The following ZSWIM6 variants were observed in gnomAD, a reference collection of about 807,000 sequenced individuals.
ZSWIM6 encodes zinc finger SWIM-type containing 6.
In ZSWIM6, 9 loss-of-function variants were observed where a neutral mutation model predicts 113.2. The ratio of observed to expected loss-of-function variants is 0.08; its 90% CI spans 0.05 to 0.14. The LOEUF is 0.14. ZSWIM6 is among the 10% of genes least tolerant of loss of function. The pLI is 1.00. For missense variants in ZSWIM6, 1,162 were observed against 1,552.2 expected (o/e 0.75, Z 4.22); for synonymous variants, 611 against 606.5 (o/e 1.01, Z -0.11).
intron 1 of ZSWIM6, among the ~76,000 whole-genome samples, chr5:61,337,282 C>G (rs1744421596): frequency 6.8e-6 from 1 of 147,732 alleles, no homozygotes; most frequent in African/African-American, 2.5e-5. Context: ...CCGTCTCCCC[C>G]CCCAAAAAAA....
chr5:61,535,766 G>A, intron 10 of ZSWIM6, 147 bp downstream of exon 10: 2 of 1,078,650 alleles, frequency 1.9e-6, no homozygotes, highest in Admixed American at 5.0e-5. Context: ...TTGTTGTGGA[G>A]GTGATTTGCT....
At position 61,478,705 on chromosome 5, in the gene ZSWIM6, TTGTGTGTG is replaced by T. The variant is rs3067226; in HGVS notation, c.1033+5685_1033+5692del. Among the ~76,000 whole-genome samples, 6 of 147,660 alleles carry T rather than the reference TTGTGTGTG, an allele frequency of 4.1e-5. No individual in the cohort carries two copies. In the East Asian group the frequency reaches 8.0e-4, roughly 20 times the overall value. ...TATGTGTGAGTGTGTGTGTGTGTGTTTGTGTGTGTGTGTGTGTGTGTGTGAATTTGTAT... is the reference window on the plus strand; with the variant it reads ...TATGTGTGAGTGTGTGTGTGTGTGTTTGTGTGTGTGTGTGTGAATTTGTAT... On this transcript the variant is annotated intron_variant, in intron 2 of 13. Transcript: ENST00000252744.
At position 61,541,984 on chromosome 5, in the gene ZSWIM6, A is replaced by G; in HGVS notation, c.2785+19A>G. Reference sequence around the variant, plus strand: ...GAAGTCGGTAGGTAAACTCTGGAACAGAAGCTTTCCTAGGTGCCTCATGGT... The same window carrying G: ...GAAGTCGGTAGGTAAACTCTGGAACGGAAGCTTTCCTAGGTGCCTCATGGT... On this transcript the variant is annotated intron_variant, in intron 13 of 13. Coordinates refer to ENST00000252744, the MANE Select transcript of ZSWIM6 (RefSeq NM_020928.2). The G allele has an allele frequency of 6.5e-7, 1 of 1,545,034 alleles. No individual in the cohort carries two copies. Among genetic ancestry groups the G allele is most frequent in the Non-Finnish European group, 8.8e-7 (1 of 1,141,298 alleles).
chr5:61,523,076 C>T (rs974371982), intron 5 of ZSWIM6, among the ~76,000 whole-genome samples: 1 of 152,164 alleles, frequency 6.6e-6, no homozygotes, highest in African/African-American at 2.4e-5. Flanking sequence ...ATCTGTTGGA[C>T]CGAAAGGCAC....
At chr5:61,392,445 G>A (rs1181357690) in intron 1 of ZSWIM6, among the ~76,000 whole-genome samples, 2 of 152,152 alleles carry the variant, frequency 1.3e-5, no homozygotes, top group African/African-American at 4.8e-5. Context: ...TTGTGAGGAA[G>A]CAAAAATCAC....
At chr5:61,514,402 C>A (rs1205406305) in intron 4 of ZSWIM6, among the ~76,000 whole-genome samples, 4 of 151,776 alleles carry the variant, frequency 2.6e-5, no homozygotes, top group Non-Finnish European at 5.9e-5. Context: ...CTAGAATTTC[C>A]AGTGTGATGC....
intron 1 of ZSWIM6, among the ~76,000 whole-genome samples, chr5:61,340,450 C>T (rs1333228634): frequency 6.6e-6 from 1 of 152,024 alleles, no homozygotes; most frequent in African/African-American, 2.4e-5. Flanking sequence ...TTTCAGTGAC[C>T]CCTCTGTACA....
chr5:61,494,023 T>C (rs963766080), intron 3 of ZSWIM6, among the ~76,000 whole-genome samples: 1 of 152,086 alleles, frequency 6.6e-6, no homozygotes, highest in African/African-American at 2.4e-5. Context: ...ATTTCTTTGA[T>C]TAAATTGCTA....
intron 2 of ZSWIM6, among the ~76,000 whole-genome samples, chr5:61,479,975 C>T (rs909847076): frequency 6.6e-6 from 1 of 151,732 alleles, no homozygotes; most frequent in African/African-American, 2.4e-5. Context: ...AGCCTGCAAA[C>T]ATAGTTGATC....
At chr5:61,357,621 A>T (rs977236729) in intron 1 of ZSWIM6, among the ~76,000 whole-genome samples, 3 of 151,768 alleles carry the variant, frequency 2.0e-5, no homozygotes, top group Non-Finnish European at 4.4e-5. Flanking sequence ...CTCACTTGAG[A>T]TATAGAGCTC....
At chr5:61,455,355 A>G (rs1021097392) in intron 1 of ZSWIM6, among the ~76,000 whole-genome samples, 1 of 152,178 alleles carries the variant, frequency 6.6e-6, no homozygotes, top group African/African-American at 2.4e-5. Context: ...AAACAAGGAC[A>G]AAGGAAGGGC....
chr5:61,378,470 A>G (rs1017271276), intron 1 of ZSWIM6, among the ~76,000 whole-genome samples: 1 of 152,260 alleles, frequency 6.6e-6, no homozygotes, highest in Non-Finnish European at 1.5e-5. Context: ...TGCATACAAC[A>G]TTTGTGGATG....
At chr5:61,341,094 G>T (rs1278920405) in intron 1 of ZSWIM6, among the ~76,000 whole-genome samples, 1 of 152,228 alleles carries the variant, frequency 6.6e-6, no homozygotes, top group Non-Finnish European at 1.5e-5. Context: ...GGTGGAGTTT[G>T]CATGGTCGGC....
intron 3 of ZSWIM6, among the ~76,000 whole-genome samples, chr5:61,492,999 A>G (rs571555410): frequency 8.5e-5 from 13 of 152,262 alleles, no homozygotes; most frequent in African/African-American, 2.9e-4. Context: ...TTGAATACAT[A>G]GCAGTATACA....
chr5:61,531,614 C>G lies in ZSWIM6; in HGVS notation c.2134C>G (p.Gln712Glu), dbSNP rs1388845181. The G allele has an allele frequency of 2.6e-6, 4 of 1,551,658 alleles. No homozygotes were observed. In the Admixed American group the frequency reaches 7.8e-5, roughly 30 times the overall value. ...TATCATGCCTGATGGGCTGTACACA[C>G]AAGAGAAAGTTTGCCGGAATGAGGA... ...QRIMPDGLYT[Q>E]EKVCRNEEQL... is the part of the protein sequence containing the mutation. Residue 712 changes from glutamine to glutamate, a missense_variant, in exon 9 of 14, where the codon CAA (glutamine) becomes GAA (glutamate). Physicochemically the swap from Gln to Glu is conservative, Grantham distance 29. Transcript: ENST00000252744.
Position 61,390,833 on chromosome 5 carries a change from C to G in ZSWIM6, c.676+57885C>G. 1.2e-5 allele frequency: 10 copies of G among 814,204 alleles called. 1 individual carries two copies. The highest frequency in any genetic ancestry group is 1.2e-4 in the South Asian group (9 of 75,416). 50.4% of individuals were successfully genotyped at this position (814,204 alleles called of 1,614,324 possible). A position where few individuals can be genotyped will look rare whatever the true frequency, so the allele number is the denominator to read the frequency against. ...GCCGTTTGGTTGGCACTGGCAAGGA[C>G]TTGTGAAGGGTGAGCACTTGCTTCT... On this transcript the variant is annotated intron_variant, in intron 1 of 13. Transcript: ENST00000252744.
rs571281348 is a variant in ZSWIM6 at position 61,396,547 on chromosome 5, A to G, written c.676+63599A>G. Reference sequence around the variant, plus strand: ...TCTGTCTCAAAAAAAAAAAAAAAAAAAGAGAATTGAATGTTTTCATTCAAA... The same window carrying G: ...TCTGTCTCAAAAAAAAAAAAAAAAAGAGAGAATTGAATGTTTTCATTCAAA... On this transcript the variant is annotated intron_variant, in intron 1 of 13. Coordinates refer to ENST00000252744, the MANE Select transcript of ZSWIM6 (RefSeq NM_020928.2). Among the ~76,000 whole-genome samples the G allele has an allele frequency of 6.4e-3, 973 of 151,906 alleles. 8 individuals are homozygous for G. Among genetic ancestry groups the G allele is most frequent in the African/African-American group, 0.02 (811 of 41,436 alleles).
At position 61,420,954 on chromosome 5, in the gene ZSWIM6, C is replaced by G. The variant is rs184242242; in HGVS notation, c.677-51727C>G. Reference sequence around the variant, plus strand: ...CCTTCTTTTGAGATGGAGTCTTGCTCTGTCACCCAGGCTGGAGTGCAGTGG... The same window carrying G: ...CCTTCTTTTGAGATGGAGTCTTGCTGTGTCACCCAGGCTGGAGTGCAGTGG... On this transcript the variant is annotated intron_variant, in intron 1 of 13. Coordinates refer to ENST00000252744, the MANE Select transcript of ZSWIM6 (RefSeq NM_020928.2). 3.8e-3 allele frequency among the ~76,000 whole-genome samples: 565 copies of G among 150,282 alleles called. 3 individuals are homozygous for G. The highest frequency in any genetic ancestry group is 6.6e-3 in the Non-Finnish European group (445 of 67,818).
intron 8 of ZSWIM6, among the ~76,000 whole-genome samples, chr5:61,531,124 T>C (rs1376752544): frequency 2.0e-5 from 3 of 152,204 alleles, no homozygotes; most frequent in African/African-American, 7.2e-5. Context: ...TGAGTGCAAG[T>C]CATCGTGTAA....
Sources: allele counts gnomAD v4.1 joint callset (sites outside exome capture counted in the v4.1 genomes callset), GRCh38; gene constraint gnomAD v4.1.1; transcripts MANE v1.5; gene names NCBI Gene and HGNC (gene_info 2026-07-23, HGNC 2026-07-21).